The following TUSC3 variants were observed in gnomAD, a reference collection of about 807,000 sequenced individuals.
TUSC3 encodes tumor suppressor candidate 3.
Under a neutral mutation model 44.8 loss-of-function variants are expected in TUSC3, and 45 were observed. The ratio of observed to expected loss-of-function variants is 1.00; its 90% CI spans 0.79 to 1.29. TUSC3 has a LOEUF of 1.29. Ranked by LOEUF, TUSC3 falls within the 50% of genes most tolerant of loss-of-function variation. The probability of loss-of-function intolerance (pLI) is 0.00; values close to 1 mark genes in which losing one functional copy is unlikely to be tolerated. For synonymous variants in TUSC3, 212 were observed against 152.9 expected, an observed-to-expected ratio of 1.39 and a Z score of -2.85; for missense variants, 519 against 437.9, an observed-to-expected ratio of 1.19 and a Z score of -1.65.
chr8:15,573,343 C>T (rs901743676), intron 1 of TUSC3, among the ~76,000 whole-genome samples: 1 of 150,952 alleles, frequency 6.6e-6, no homozygotes, highest in Non-Finnish European at 1.5e-5. Context: ...GGGTAATTAC[C>T]AGTTTTAACC....
chr8:15,441,471 A>G (rs1563251635), intron 1 of TUSC3, among the ~76,000 whole-genome samples: 1 of 152,324 alleles, frequency 6.6e-6, no homozygotes, highest in East Asian at 1.9e-4. Flanking sequence ...TATTAAATTC[A>G]AAAAGATTGT....
intron 6 of TUSC3, among the ~76,000 whole-genome samples, chr8:15,705,184 C>G (rs1048723043): frequency 6.6e-6 from 1 of 151,442 alleles, no homozygotes; most frequent in Non-Finnish European, 1.5e-5. Context: ...AACAATTATT[C>G]TAAAGAAAGA....
At chr8:15,827,641 T>A in the TUSC3 span, among the ~76,000 whole-genome samples, 1 of 152,152 alleles carries the variant, frequency 6.6e-6, no homozygotes, top group Non-Finnish European at 1.5e-5. Context: ...CCCTCAGATT[T>A]TGCTAATGTG....
At chr8:15,825,205 T>A in the TUSC3 span, among the ~76,000 whole-genome samples, 1 of 152,084 alleles carries the variant, frequency 6.6e-6, no homozygotes, top group Non-Finnish European at 1.5e-5. Flanking sequence ...CTACTATGTT[T>A]TAGGCTGTGT....
chr8:15,821,423 G>A, the TUSC3 span, among the ~76,000 whole-genome samples: 1 of 127,662 alleles, frequency 7.8e-6, no homozygotes. Flanking sequence ...GTAAATTTAT[G>A]TCTTTCCGAT....
At chr8:15,599,266 A>G (rs12114101) in intron 1 of TUSC3, among the ~76,000 whole-genome samples, 11,347 of 151,780 alleles carry the variant, frequency 0.075, 972 homozygotes, top group African/African-American at 0.21. Flanking sequence ...GGCCCATTTT[A>G]AAATTGGGTT....
At position 15,718,660 on chromosome 8, in the gene TUSC3, C is replaced by G. The variant is rs74880575; in HGVS notation, c.799-12006C>G. On this transcript the variant is annotated intron_variant, in intron 6 of 10. Coordinates refer to ENST00000503731, the MANE Select transcript of TUSC3 (RefSeq NM_006765.4). ...TGTCATGTATTTTTCTTATAATTAA[C>G]ATACAATTTACCATTTTGGTGACCT... 3.2e-3 allele frequency among the ~76,000 whole-genome samples: 494 copies of G among 152,106 alleles called. 8 individuals are homozygous for G. In the East Asian group the frequency reaches 0.034, roughly 11 times the overall value.
rs1356262497 is a variant in TUSC3, at chr8:15,504,628, T to A, written n.189+21145T>A. On this transcript the variant is annotated intron_variant and non_coding_transcript_variant, in intron 2 of 5. Transcript: ENST00000503191. ...ATATATATATATATATATATTTTTT[T>A]TTTTTTTTTTTTTTAAGTGGGTTTT... Among the ~76,000 whole-genome samples the A allele has an allele frequency of 7.5e-3, 659 of 88,188 alleles. 8 individuals carry two copies. Among genetic ancestry groups the A allele is most frequent in the African/African-American group, 0.03 (634 of 20,934 alleles). The allele number at this position is 88,188 out of a possible 152,430, so 57.9% of individuals were successfully genotyped here. A position where few individuals can be genotyped will look rare whatever the true frequency, so the allele number is the denominator to read the frequency against.
chr8:15,824,246 A>T, the TUSC3 span, among the ~76,000 whole-genome samples: 1 of 152,158 alleles, frequency 6.6e-6, no homozygotes, highest in East Asian at 1.9e-4. Context: ...CTGATGCATG[A>T]ATCACTCCAC....
chr8:15,748,355 T>C lies in TUSC3; in HGVS notation c.938-20T>C. On this transcript the variant is annotated intron_variant, in intron 8 of 10. Coordinates refer to ENST00000503731, the MANE Select transcript of TUSC3 (RefSeq NM_006765.4). ...TTTGCATATTTTTAGACACTAATGG[T>C]ATTTTCTGTCTGTTTCTAGTAATTT... 1.9e-6 allele frequency: 3 copies of C among 1,568,242 alleles called. No homozygotes were observed. The highest frequency in any genetic ancestry group is 1.4e-5 in the African/African-American group (1 of 74,042).
intron 2 of TUSC3, among the ~76,000 whole-genome samples, chr8:15,639,117 G>A (rs922026251): frequency 4.0e-5 from 6 of 151,168 alleles, no homozygotes; most frequent in Admixed American, 2.6e-4. Flanking sequence ...ATCATGTGTC[G>A]ATGCTAGATC....
chr8:15,784,753 G>C, the TUSC3 span, among the ~76,000 whole-genome samples: 1 of 152,094 alleles, frequency 6.6e-6, no homozygotes, highest in Non-Finnish European at 1.5e-5. Flanking sequence ...GGCTACCAGA[G>C]GCTGAGGAGA....
chr8:15,518,140 C>G (rs1485667433), intron 2 of TUSC3, among the ~76,000 whole-genome samples: 1 of 152,056 alleles, frequency 6.6e-6, no homozygotes, highest in African/African-American at 2.4e-5. Flanking sequence ...GGCTTTTGTA[C>G]TTGGCTTGTT....
At chr8:15,782,623 A>T in the TUSC3 span, among the ~76,000 whole-genome samples, 95 of 152,318 alleles carry the variant, frequency 6.2e-4, no homozygotes, top group African/African-American at 2.2e-3. Flanking sequence ...TAACAGAACA[A>T]AGGAAAACAA....
intron 1 of TUSC3, among the ~76,000 whole-genome samples, chr8:15,462,743 A>G (rs942380176): frequency 6.6e-6 from 1 of 152,072 alleles, no homozygotes; most frequent in Admixed American, 6.6e-5. Flanking sequence ...CTGACAATTT[A>G]CTTTTGCACC....
intron 1 of TUSC3, among the ~76,000 whole-genome samples, chr8:15,455,984 G>C (rs1800251988): frequency 6.6e-6 from 1 of 152,076 alleles, no homozygotes; most frequent in South Asian, 2.1e-4. Flanking sequence ...TTTTTTGCTT[G>C]TCTAATGACC....
At chr8:15,799,269 C>T in the TUSC3 span, among the ~76,000 whole-genome samples, 1 of 152,164 alleles carries the variant, frequency 6.6e-6, no homozygotes, top group Non-Finnish European at 1.5e-5. Flanking sequence ...GGGAACCAGC[C>T]AGCGCTCTAA....
intron 1 of TUSC3, among the ~76,000 whole-genome samples, chr8:15,545,037 G>T (rs563436549): frequency 6.6e-6 from 1 of 151,846 alleles, no homozygotes; most frequent in South Asian, 2.1e-4. Context: ...CGTATTATGT[G>T]TTACACACAT....
At chr8:15,427,632 A>C (rs751985360) in intron 1 of TUSC3, among the ~76,000 whole-genome samples, 51 of 152,088 alleles carry the variant, frequency 3.4e-4, no homozygotes, top group Non-Finnish European at 1.9e-4. Context: ...AAAGATTTTT[A>C]ATAAACTTTC....
Sources: allele counts gnomAD v4.1 joint callset (sites outside exome capture counted in the v4.1 genomes callset), GRCh38; gene constraint gnomAD v4.1.1; transcripts MANE v1.5; gene names NCBI Gene and HGNC (gene_info 2026-07-23, HGNC 2026-07-21).